Variants in B3GALNT1 observed in about 807,000 individuals in gnomAD.
B3GALNT1 encodes the protein UDP-GalNAc:beta-1,3-N-acetylgalactosaminyltransferase 1.
Under a neutral mutation model 27.3 loss-of-function variants are expected in B3GALNT1, and 17 were observed. The ratio of observed to expected loss-of-function variants is 0.62; its 90% CI spans 0.43 to 0.94. B3GALNT1 has a LOEUF of 0.94. Ranked by LOEUF, B3GALNT1 falls within the 40% of genes least tolerant of loss-of-function variation. The probability of loss-of-function intolerance (pLI) is 0.00; values close to 1 mark genes in which losing one functional copy is unlikely to be tolerated. For missense variants in B3GALNT1, 347 were observed against 390.0 expected (o/e 0.89, Z 0.93); for synonymous variants, 141 against 144.0 (o/e 0.98, Z 0.15).
In B3GALNT1 at chr3:161,104,077, T is replaced by C. The variant is rs563831550; in HGVS notation, c.-221+242A>G. 321 of 295,994 alleles carry C rather than the reference T, an allele frequency of 1.1e-3. 6 individuals carry two copies. The highest frequency in any genetic ancestry group is 8.7e-3 in the South Asian group (301 of 34,448). 18.3% of individuals were successfully genotyped at this position (295,994 alleles called of 1,614,324 possible). On this transcript the variant is annotated intron_variant, in intron 2 of 4. Transcript: ENST00000320474. ...TATTTTCAGGTCTGGAGTTATCCAA[T>C]GGCCATTCATTTGAACGAACATTTT...
At chr3:161,101,048 G>C in intron 4 of B3GALNT1, 91 bp downstream of exon 4, 1 of 979,178 alleles carries the variant, frequency 1.0e-6, no homozygotes, top group Admixed American at 2.4e-5. Flanking sequence ...CCAGGGCACA[G>C]TGCCCCAGGA....
rs76870435 is a variant in B3GALNT1 at position 161,096,939 on chromosome 3, G to A, written c.-35+4200C>T. ...TCAGGTGGCAGTAATTTTAGTATAC[G>A]TGCTGCCAAAGCGAGCACCAGGTGG... On this transcript the variant is annotated intron_variant, in intron 4 of 4. Coordinates refer to ENST00000320474, the MANE Select transcript of B3GALNT1 (RefSeq NM_003781.4). 2.0e-5 allele frequency among the ~76,000 whole-genome samples: 3 copies of A among 152,244 alleles called. No homozygotes were observed. The East Asian group carries it at 5.8e-4, about 29-fold the overall frequency.
chr3:161,087,624 A>T (rs1305814682), intron 4 of B3GALNT1, among the ~76,000 whole-genome samples: 1 of 152,206 alleles, frequency 6.6e-6, no homozygotes, highest in African/African-American at 2.4e-5. Context: ...CTCCTAAAAC[A>T]CTTGCTTTTA....
chr3:161,102,472 T>G (rs1035065423), intron 3 of B3GALNT1, among the ~76,000 whole-genome samples: 1 of 152,192 alleles, frequency 6.6e-6, no homozygotes, highest in Non-Finnish European at 1.5e-5. Context: ...CTGCCGTATT[T>G]CTAGCTCATC....
chr3:161,104,475 G>C, intron 1 of B3GALNT1, 69 bp from the exon 2 acceptor site: 4 of 642,120 alleles, frequency 6.2e-6, no homozygotes, highest in South Asian at 5.2e-5. Context: ...CCAACATTAA[G>C]AAGGCGAACG....
chr3:161,095,405 T>C (rs1237809905), intron 4 of B3GALNT1, among the ~76,000 whole-genome samples: 2 of 152,236 alleles, frequency 1.3e-5, no homozygotes, highest in African/African-American at 4.8e-5. Flanking sequence ...GGCGAATATC[T>C]GGGCCAAAGT....
rs182888075 is a variant in B3GALNT1 at position 161,095,127 on chromosome 3, C to T, written c.-35+6012G>A. 2.4e-4 allele frequency among the ~76,000 whole-genome samples: 37 copies of T among 152,228 alleles called. No individual in the cohort carries two copies. The East Asian group carries it at 6.0e-3, about 25-fold the overall frequency. ...CATTATAGATGTGGGCCACCAAACC[C>T]GGCCTGACTCCCATTCTTATCCCTG... is the stretch of plus-strand genomic sequence containing the variant. On this transcript the variant is annotated intron_variant, in intron 4 of 4. Transcript: ENST00000320474.
At chr3:161,090,945 G>A (rs751437990) in intron 4 of B3GALNT1, among the ~76,000 whole-genome samples, 5 of 152,122 alleles carry the variant, frequency 3.3e-5, no homozygotes, top group Non-Finnish European at 5.9e-5. Context: ...AGCTCTAATT[G>A]AAGAGAAAAA....
intron 3 of B3GALNT1, among the ~76,000 whole-genome samples, chr3:161,102,449 C>T (rs1012760852): frequency 2.6e-5 from 4 of 152,198 alleles, no homozygotes; most frequent in South Asian, 2.1e-4. Flanking sequence ...CATGCTGATG[C>T]GCCCCCTACA....
At chr3:161,101,559 G>A (rs1435319326) in intron 3 of B3GALNT1, among the ~76,000 whole-genome samples, 3 of 152,100 alleles carry the variant, frequency 2.0e-5, no homozygotes, top group African/African-American at 7.2e-5. Flanking sequence ...TCAAGTTGCC[G>A]ACACTCAATG....
intron 4 of B3GALNT1, among the ~76,000 whole-genome samples, chr3:161,093,265 T>C (rs1043862867): frequency 1.3e-5 from 2 of 152,220 alleles, no homozygotes; most frequent in Non-Finnish European, 2.9e-5. Flanking sequence ...TACACATTTA[T>C]GCATGTATCA....
intron 4 of B3GALNT1, among the ~76,000 whole-genome samples, chr3:161,092,769 T>TTC (rs1576695641): frequency 7.0e-6 from 1 of 142,168 alleles, no homozygotes; most frequent in South Asian, 2.3e-4. Flanking sequence ...TTTTCTTTTT[T>TTC]TTTTTTTTTT....
intron 4 of B3GALNT1, among the ~76,000 whole-genome samples, chr3:161,098,717 T>C (rs866927856): frequency 6.6e-6 from 1 of 152,214 alleles, no homozygotes; most frequent in Non-Finnish European, 1.5e-5. Context: ...TTTTTGGCAA[T>C]GGAGAAATTC....
At chr3:161,094,249 A>G (rs954286964) in intron 4 of B3GALNT1, among the ~76,000 whole-genome samples, 1 of 152,220 alleles carries the variant, frequency 6.6e-6, no homozygotes, top group Non-Finnish European at 1.5e-5. Flanking sequence ...ACTTTGATAT[A>G]AACAGTATGG....
intron 4 of B3GALNT1, among the ~76,000 whole-genome samples, chr3:161,092,763 C>CTTTTTTTTTTTTT (rs33946641): frequency 1.9e-5 from 2 of 104,870 alleles, no homozygotes; most frequent in Non-Finnish European, 3.7e-5. Flanking sequence ...TTTCATTTTT[C>CTTTTTTTTTTTTT]TTTTTTTTTT....
In B3GALNT1 at chr3:161,085,894, T is replaced by C; in HGVS notation, c.861A>G (p.Thr287=). The C allele has an allele frequency of 6.2e-7, 1 of 1,613,494 alleles. No individual in the cohort carries two copies. Among genetic ancestry groups the C allele is most frequent in the Non-Finnish European group, 8.5e-7 (1 of 1,179,714 alleles). ...GGATTCTATATAGAAAGAAAAGATT[T>C]GTGTCTTCTGGAATATGAATGTTCA... ...LKVNIHIPED[T]NLFFLYRIHL... Residue 287 remains threonine, a synonymous_variant, in exon 5 of 5, where the codon ACA becomes ACG. Coordinates refer to ENST00000320474, the MANE Select transcript of B3GALNT1 (RefSeq NM_003781.4).
At position 161,086,566 on chromosome 3, in the gene B3GALNT1, A is replaced by G; in HGVS notation, c.189T>C (p.Phe63=). The change falls in exon 5 of 5, where the codon TTT becomes TTC. Residue 63 remains phenylalanine, a synonymous_variant. Transcript: ENST00000320474. The part of the protein sequence containing the change: ...YEYEPIYRQD[F]HFTLREHSNC... ...TTGAATGCTCTCGAAGTGTGAAGTG[A>G]AAGTCTTGTCTGTAAATCGGCTCAT... The G allele has an allele frequency of 6.2e-7, 1 of 1,614,208 alleles. No homozygotes were observed. The highest frequency in any genetic ancestry group is 1.1e-5 in the South Asian group (1 of 91,084).
In B3GALNT1 at chr3:161,086,161, G is replaced by C; in HGVS notation, c.594C>G (p.Asn198Lys). The C allele has an allele frequency of 6.2e-7, 1 of 1,613,852 alleles. No homozygotes were observed. Among genetic ancestry groups the C allele is most frequent in the Non-Finnish European group, 8.5e-7 (1 of 1,179,876 alleles). The change falls in exon 5 of 5, where the codon AAC (asparagine) becomes AAG (lysine). Residue 198 changes from asparagine (N) to lysine (K), a missense_variant. Asn to Lys is a moderately conservative substitution (Grantham distance 94). Transcript: ENST00000320474. ...AACCTGTGAAAAACTTCTCTGAGTG[G>C]TTTAGGTTTAAAAGATACTTCACTA... Reference protein sequence around the residue: ...GNLVKYLLNLNHSEKFFTGYP... With the variant: ...GNLVKYLLNLKHSEKFFTGYP...
At chr3:161,094,835 T>C (rs890354387) in intron 4 of B3GALNT1, among the ~76,000 whole-genome samples, 4 of 152,166 alleles carry the variant, frequency 2.6e-5, no homozygotes, top group Admixed American at 2.0e-4. Flanking sequence ...TTTGCCACAA[T>C]GCCGGGCAAC....
Sources: gnomAD v4.1 joint callset for allele counts (sites outside exome capture counted in the v4.1 genomes callset) on GRCh38, gnomAD v4.1.1 for gene constraint, MANE v1.5 for transcripts, NCBI Gene and HGNC (gene_info 2026-07-23, HGNC 2026-07-21) for gene names.